The following RUBCN variants were observed in gnomAD, a reference collection of about 807,000 sequenced individuals.
The protein encoded by RUBCN is run domain Beclin-1-interacting and cysteine-rich domain-containing protein.
In RUBCN, 74 loss-of-function variants were observed where a neutral mutation model predicts 113.2. The ratio of observed to expected loss-of-function variants is 0.65; its 90% confidence interval spans 0.54 to 0.79. The LOEUF is 0.79. RUBCN is among the 30% of genes least tolerant of loss of function. The pLI, the probability that RUBCN is intolerant of heterozygous loss-of-function variation, is 0.00. For synonymous variants in RUBCN, 480 were observed against 490.0 expected (o/e 0.98, Z 0.27); for missense variants, 1,109 against 1,251.7 (o/e 0.89, Z 1.72).
At chr3:197,735,165 C>T (rs991955197) in intron 1 of RUBCN, among the ~76,000 whole-genome samples, 2 of 152,094 alleles carry the variant, frequency 1.3e-5, no homozygotes, top group African/African-American at 4.8e-5. Context: ...GCCGACGTGG[C>T]GGGGGAGAAT....
chr3:197,699,283 T>A, intron 7 of RUBCN: 1 of 1,316,980 alleles, frequency 7.6e-7, no homozygotes, highest in Non-Finnish European at 1.1e-6. Context: ...GCAATGAGAA[T>A]ACAGAGAGAG....
intron 11 of RUBCN, among the ~76,000 whole-genome samples, chr3:197,689,569 G>A (rs1334098868): frequency 1.3e-5 from 2 of 152,130 alleles, no homozygotes; most frequent in Non-Finnish European, 2.9e-5. Flanking sequence ...TAGAAAGGGA[G>A]TCAGGATAAC....
chr3:197,678,262 T>C (rs894194446), intron 16 of RUBCN, among the ~76,000 whole-genome samples: 3 of 151,616 alleles, frequency 2.0e-5, no homozygotes, highest in African/African-American at 7.3e-5. Flanking sequence ...ACACTCTGAC[T>C]GACAACTGGC....
At chr3:197,731,074 GGAGGGAA>G (rs902208729) in intron 1 of RUBCN, among the ~76,000 whole-genome samples, 60 of 151,758 alleles carry the variant, frequency 4.0e-4, no homozygotes, top group African/African-American at 1.4e-3. Flanking sequence ...GGACAATAGT[GGAGGGAA>G]GGTCAGCAGA....
intron 2 of RUBCN, among the ~76,000 whole-genome samples, chr3:197,714,728 GT>G (rs1223804595): frequency 2.0e-5 from 3 of 152,154 alleles, no homozygotes; most frequent in Non-Finnish European, 4.4e-5. Context: ...TGAGCTTAGA[GT>G]TCCAGGTAGT....
At chr3:197,682,350 A>G (rs2108851837) in intron 14 of RUBCN, 120 bp downstream of exon 14, 2 of 1,215,590 alleles carry the variant, frequency 1.6e-6, no homozygotes, top group East Asian at 2.5e-5. Flanking sequence ...TCTGCCTTTA[A>G]ATGAAGAGAA....
At chr3:197,712,463 C>T (rs140405067) in intron 2 of RUBCN, among the ~76,000 whole-genome samples, 35 of 152,310 alleles carry the variant, frequency 2.3e-4, no homozygotes, top group African/African-American at 8.2e-4. Context: ...CAGAATAGCT[C>T]GGTGATGACG....
chr3:197,687,128 G>A (rs999661739), intron 11 of RUBCN, among the ~76,000 whole-genome samples: 6 of 152,164 alleles, frequency 3.9e-5, no homozygotes, highest in African/African-American at 2.4e-5. Flanking sequence ...GTTTGATGCC[G>A]GTTTCCATCC....
intron 7 of RUBCN, among the ~76,000 whole-genome samples, chr3:197,700,236 T>A (rs1405068401): frequency 6.6e-6 from 1 of 152,216 alleles, no homozygotes; most frequent in African/African-American, 2.4e-5. Flanking sequence ...TATTACACCC[T>A]GGGCAAACTT....
chr3:197,700,608 A>T lies in RUBCN; in HGVS notation c.1261+5T>A. On this transcript the variant is annotated splice_donor_5th_base_variant and intron_variant, in intron 7 of 19. Transcript: ENST00000296343. ...TGCTAACTAGCAGCCGGTGTTCCTCATTACCTGGAGCTCCCCTGGAGGCAA... is the reference window on the plus strand; with the variant it reads ...TGCTAACTAGCAGCCGGTGTTCCTCTTTACCTGGAGCTCCCCTGGAGGCAA... 6.2e-7 allele frequency: 1 copy of T among 1,614,048 alleles called. No homozygotes were observed. Among genetic ancestry groups the T allele is most frequent in the South Asian group, 1.1e-5 (1 of 91,072 alleles).
chr3:197,685,450 T>C (rs887273762), intron 11 of RUBCN, among the ~76,000 whole-genome samples: 2 of 152,328 alleles, frequency 1.3e-5, no homozygotes, highest in Admixed American at 6.5e-5. Context: ...TTCCTCTGTA[T>C]GCAGATTTTT....
intron 1 of RUBCN, among the ~76,000 whole-genome samples, chr3:197,732,125 C>T (rs1384125003): frequency 6.6e-6 from 1 of 152,200 alleles, no homozygotes; most frequent in African/African-American, 2.4e-5. Flanking sequence ...ACGGATCTTA[C>T]TCCTTGAATT....
In RUBCN at chr3:197,674,878, A is replaced by ATCGCC; in HGVS notation, c.*139_*140insGGCGA. 1 of 688,508 alleles carries ATCGCC rather than the reference A, an allele frequency of 1.5e-6. No individual in the cohort carries two copies. Among genetic ancestry groups the ATCGCC allele is most frequent in the Non-Finnish European group, 2.3e-6 (1 of 443,646 alleles). The allele number at this position is 688,508 out of a possible 1,614,324, so 42.6% of individuals were successfully genotyped here. On this transcript the variant is annotated 3_prime_UTR_variant, in exon 20 of 20. Coordinates refer to ENST00000296343, the MANE Select transcript of RUBCN (RefSeq NM_014687.4). Reference sequence around the variant, plus strand: ...ACTGCACACAGACGTCAGACAAGTCAGTAAAAAAAAAAAAAAAGATGATGA... The same window carrying ATCGCC: ...ACTGCACACAGACGTCAGACAAGTCATCGCCGTAAAAAAAAAAAAAAAGATGATGA...
In RUBCN at chr3:197,677,042, C is replaced by T. The variant is rs779305232; in HGVS notation, c.2493-4G>A. The T allele has an allele frequency of 6.2e-7, 1 of 1,612,942 alleles. No individual in the cohort carries two copies. Among genetic ancestry groups the T allele is most frequent in the South Asian group, 1.1e-5 (1 of 91,016 alleles). ...TGTGTCAAAGGAATCCAGAAGCCTACAGGGAGTGACAGGAGGCAGGTGAGG... is the reference window on the plus strand; with the variant it reads ...TGTGTCAAAGGAATCCAGAAGCCTATAGGGAGTGACAGGAGGCAGGTGAGG... On this transcript the variant is annotated splice_polypyrimidine_tract_variant and splice_region_variant and intron_variant, in intron 17 of 19. Transcript: ENST00000296343.
In RUBCN at chr3:197,700,801, C is replaced by T. The variant is rs1482534661; in HGVS notation, c.1073G>A (p.Ser358Asn). 1 of 1,614,178 alleles carries T rather than the reference C, an allele frequency of 6.2e-7. No individual in the cohort carries two copies. Reference protein sequence around the residue: ...SSSSNLFSSSSSQKPDSAASS... With the variant: ...SSSSNLFSSSNSQKPDSAASS... Reference sequence around the variant, plus strand: ...GGCAGCAGAATCTGGCTTCTGGGAGCTGCTGGAGGAGAACAAATTGGAACT... The same window carrying T: ...GGCAGCAGAATCTGGCTTCTGGGAGTTGCTGGAGGAGAACAAATTGGAACT... The change falls in exon 7 of 20, where the codon AGC becomes AAC. Residue 358 changes from serine to asparagine, a missense_variant. Transcript: ENST00000296343.
In RUBCN at chr3:197,675,444, G is replaced by A. The variant is rs377352722; in HGVS notation, c.2718C>T (p.Leu906=). 5.6e-6 allele frequency: 9 copies of A among 1,613,834 alleles called. No homozygotes were observed. Among genetic ancestry groups the A allele is most frequent in the South Asian group, 1.1e-5 (1 of 91,084 alleles). Residue 906 remains leucine, a synonymous_variant, in exon 19 of 20, where the codon CTC becomes CTT. Coordinates refer to ENST00000296343, the MANE Select transcript of RUBCN (RefSeq NM_014687.4). This position sits in a 1 kb window ranked among gnomAD's most constrained non-coding sequence, Gnocchi z 4.4. Reference sequence around the variant, plus strand: ...CACCTTCACAGGTCCGGCACTTATGGAGCTCAAAGGGAAAGATGATGTCAT... The same window carrying A: ...CACCTTCACAGGTCCGGCACTTATGAAGCTCAAAGGGAAAGATGATGTCAT... The part of the protein sequence containing the change: ...NEDDIIFPFE[L]HKCRTCEECK...
intron 1 of RUBCN, among the ~76,000 whole-genome samples, chr3:197,722,302 A>G (rs1726259398): frequency 6.6e-6 from 1 of 151,998 alleles, no homozygotes; most frequent in Admixed American, 6.6e-5. Flanking sequence ...AAGTTTGTTG[A>G]GACCTGTTTT....
At chr3:197,735,313 C>T (rs1389901866) in intron 1 of RUBCN, among the ~76,000 whole-genome samples, 2 of 152,218 alleles carry the variant, frequency 1.3e-5, no homozygotes, top group African/African-American at 2.4e-5. Flanking sequence ...CTAGTATAAT[C>T]GCTTGAGCCC....
chr3:197,728,912 A>G (rs1727068066), intron 1 of RUBCN, among the ~76,000 whole-genome samples: 1 of 152,184 alleles, frequency 6.6e-6, no homozygotes, highest in Admixed American at 6.5e-5. Context: ...GGCAAGAAAG[A>G]TGTGAGAGTG....
Sources: allele counts gnomAD v4.1 joint callset (sites outside exome capture counted in the v4.1 genomes callset), GRCh38; gene constraint gnomAD v4.1.1; non-coding constraint Gnocchi (gnomAD v3.1); transcripts MANE v1.5; gene names NCBI Gene and HGNC (gene_info 2026-07-23, HGNC 2026-07-21).